Variants in NBAS observed in about 807,000 individuals in gnomAD.
NBAS encodes NBAS subunit of NRZ tethering complex.
A neutral mutation model predicts 302.5 loss-of-function variants in NBAS; 219 were observed. The observed-to-expected ratio is 0.72, with a 90% CI of 0.65 to 0.81. NBAS has a LOEUF of 0.81. NBAS is among the 30% of genes least tolerant of loss of function. The pLI, the probability that NBAS is intolerant of heterozygous loss-of-function variation, is 0.00. For missense variants in NBAS, 2,932 were observed against 2,841.6 expected (o/e 1.03, Z -0.72); for synonymous variants, 1,118 against 1,021.6 (o/e 1.09, Z -1.80).
At chr2:14,859,083 C>T in the NBAS span, among the ~76,000 whole-genome samples, 1 of 151,804 alleles carries the variant, frequency 6.6e-6, no homozygotes, top group Non-Finnish European at 1.5e-5. Context: ...ATATCATTTG[C>T]AATAGCTACA....
At chr2:15,461,116 T>G (rs1558360497) in intron 21 of NBAS, 85 bp downstream of exon 21, 1 of 1,224,002 alleles carries the variant, frequency 8.2e-7, no homozygotes. Context: ...TTAAAATTAT[T>G]TTTTTTAACT....
the NBAS span, among the ~76,000 whole-genome samples, chr2:15,078,444 CT>C: frequency 2.3e-4 from 35 of 152,308 alleles, no homozygotes; most frequent in African/African-American, 8.4e-4. Flanking sequence ...TTCAAAGAAA[CT>C]TGTTGACTTT....
intron 35 of NBAS, among the ~76,000 whole-genome samples, chr2:15,332,339 G>A (rs1206490074): frequency 6.6e-6 from 1 of 152,220 alleles, no homozygotes; most frequent in African/African-American, 2.4e-5. Context: ...CAACTGTATT[G>A]TTCTAAAGCT....
chr2:14,936,515 A>G, the NBAS span, among the ~76,000 whole-genome samples: 2 of 152,236 alleles, frequency 1.3e-5, no homozygotes, highest in Non-Finnish European at 2.9e-5. Context: ...ATATCAGTTC[A>G]TTCAATGCAA....
chr2:15,136,687 T>C, the NBAS span, among the ~76,000 whole-genome samples: 1 of 152,182 alleles, frequency 6.6e-6, no homozygotes, highest in African/African-American at 2.4e-5. Context: ...ATGGTTTGGC[T>C]CTTTGTCCCC....
the NBAS span, among the ~76,000 whole-genome samples, chr2:14,869,342 A>C: frequency 6.6e-6 from 1 of 152,120 alleles, no homozygotes; most frequent in Admixed American, 6.6e-5. Flanking sequence ...CCGTTTCTCC[A>C]TCCCTCTTTT....
chr2:15,544,379 C>A (rs185068484), intron 6 of NBAS, among the ~76,000 whole-genome samples: 2 of 148,654 alleles, frequency 1.3e-5, no homozygotes, highest in Admixed American at 6.8e-5. Flanking sequence ...GGAAGGAAGG[C>A]GGGAAAGAGG....
chr2:15,197,881 T>G (rs754584761), intron 48 of NBAS, among the ~76,000 whole-genome samples: 6 of 152,208 alleles, frequency 3.9e-5, no homozygotes, highest in Non-Finnish European at 5.9e-5. Context: ...AGTCAAATGC[T>G]CTCCATGTTC....
intron 21 of NBAS, among the ~76,000 whole-genome samples, chr2:15,434,113 A>G (rs1488422013): frequency 2.0e-5 from 3 of 152,074 alleles, no homozygotes; most frequent in Non-Finnish European, 4.4e-5. Context: ...TGACAGAGAG[A>G]GACTGTCTCA....
At chr2:14,968,801 T>A in the NBAS span, among the ~76,000 whole-genome samples, 2 of 152,232 alleles carry the variant, frequency 1.3e-5, no homozygotes, top group African/African-American at 4.8e-5. Flanking sequence ...TCAAATTACT[T>A]ACATGTAGAG....
At chr2:14,862,173 G>A in the NBAS span, among the ~76,000 whole-genome samples, 3 of 150,700 alleles carry the variant, frequency 2.0e-5, no homozygotes, top group South Asian at 2.1e-4. Flanking sequence ...GAGTCTTGCT[G>A]TGTCACCCGG....
the NBAS span, among the ~76,000 whole-genome samples, chr2:14,800,150 G>A: frequency 6.6e-6 from 1 of 151,988 alleles, no homozygotes; most frequent in East Asian, 1.9e-4. Flanking sequence ...TACTCCCTTT[G>A]GATTAATTAA....
chr2:15,089,478 C>G, the NBAS span, among the ~76,000 whole-genome samples: 3 of 152,090 alleles, frequency 2.0e-5, no homozygotes, highest in African/African-American at 7.2e-5. Flanking sequence ...AAAACTTGCC[C>G]AGACTGGTGT....
chr2:15,214,273 A>G (rs1164146502), intron 48 of NBAS, among the ~76,000 whole-genome samples: 2 of 151,542 alleles, frequency 1.3e-5, no homozygotes, highest in African/African-American at 2.4e-5. Flanking sequence ...TCCTAATGGA[A>G]GAAGAAAGAG....
chr2:15,554,561 T>A (rs1475311586), intron 3 of NBAS, among the ~76,000 whole-genome samples: 2 of 149,978 alleles, frequency 1.3e-5, no homozygotes, highest in Non-Finnish European at 3.0e-5. Context: ...CACTGAAAGC[T>A]AGAATTGGGC....
the NBAS span, among the ~76,000 whole-genome samples, chr2:14,803,173 T>C: frequency 6.6e-6 from 1 of 152,252 alleles, no homozygotes; most frequent in Non-Finnish European, 1.5e-5. Flanking sequence ...CTGAATACTT[T>C]ACCTAATGCT....
the NBAS span, among the ~76,000 whole-genome samples, chr2:14,828,602 CTG>C: frequency 6.6e-6 from 1 of 151,986 alleles, no homozygotes. Context: ...ACTTTAATGA[CTG>C]TGCAAAAAAA....
rs115608789 is a variant in NBAS, at chr2:15,413,566, C to T, written c.2937+1980G>A. On this transcript the variant is annotated intron_variant, in intron 25 of 51. Transcript: ENST00000281513. The stretch of plus-strand genomic sequence containing the variant: ...CACTACTCCAAACAAAGGAAACAGT[C>T]TGTAACACACGGAGGGCCATGAGTG... Among the ~76,000 whole-genome samples the T allele has an allele frequency of 5.1e-3, 773 of 152,268 alleles. 14 individuals carry two copies. The highest frequency in any genetic ancestry group is 0.018 in the African/African-American group (746 of 41,552).
At chr2:15,127,021 C>T in the NBAS span, among the ~76,000 whole-genome samples, 1 of 152,144 alleles carries the variant, frequency 6.6e-6, no homozygotes, top group East Asian at 1.9e-4. Flanking sequence ...ATCTTGGTCC[C>T]TCTAAAGCCT....
Sources: allele counts gnomAD v4.1 joint callset (sites outside exome capture counted in the v4.1 genomes callset), GRCh38; gene constraint gnomAD v4.1.1; transcripts MANE v1.5; gene names NCBI Gene and HGNC (gene_info 2026-07-23, HGNC 2026-07-21).